Variants in SASH1 observed in about 807,000 individuals in gnomAD.
The protein encoded by SASH1 is SAM and SH3 domain-containing protein 1.
A neutral mutation model predicts 125.2 loss-of-function variants in SASH1; 44 were observed. That is an observed-to-expected ratio of 0.35 (90% CI 0.28 to 0.45). The LOEUF (loss-of-function observed/expected upper bound fraction) is 0.45. SASH1 is among the 20% of genes least tolerant of loss of function. The pLI, the probability that SASH1 is intolerant of heterozygous loss-of-function variation, is 1.00. For synonymous variants in SASH1, 639 were observed against 649.1 expected (o/e 0.98, Z 0.24); for missense variants, 1,426 against 1,614.5 (o/e 0.88, Z 2.00).
intron 1 of SASH1, among the ~76,000 whole-genome samples, chr6:148,351,773 C>G (rs1781739145): frequency 6.7e-6 from 1 of 149,830 alleles, no homozygotes; most frequent in South Asian, 2.1e-4. Flanking sequence ...TTGCTGTCAG[C>G]CAACAATTGT....
chr6:148,260,795 G>GGTTTTTT, the SASH1 span, among the ~76,000 whole-genome samples: 1 of 111,258 alleles, frequency 9.0e-6, no homozygotes, highest in Non-Finnish European at 1.9e-5. Context: ...TCCTATAAGG[G>GGTTTTTT]CTTTTTTTTT....
rs1452245077 is a variant in SASH1, at chr6:148,322,917, T to TCTTTCTTTCTTTCTTTCTTTCTTTCTTC, written n.74+50540_74+50541insCTTTCTTTCTTTCTTTCTTTCTTTCTTC. Among the ~76,000 whole-genome samples the TCTTTCTTTCTTTCTTTCTTTCTTTCTTC allele has an allele frequency of 9.7e-4, 122 of 126,068 alleles. 5 individuals are homozygous for TCTTTCTTTCTTTCTTTCTTTCTTTCTTC. Among genetic ancestry groups the TCTTTCTTTCTTTCTTTCTTTCTTTCTTC allele is most frequent in the Non-Finnish European group, 1.5e-3 (83 of 56,994 alleles). The allele number at this position is 126,068 out of a possible 152,430, so 82.7% of individuals were successfully genotyped here. On this transcript the variant is annotated intron_variant and non_coding_transcript_variant, in intron 1 of 3. Coordinates refer to the SASH1 transcript ENST00000367469. ...CTTTCTTTCTCTCTCTTTCTTTCTT[T>TCTTTCTTTCTTTCTTTCTTTCTTTCTTC]TTTCTTTCTCTCTTTCTTTTCCTTC...
chr6:148,330,976 T>C (rs374569812), intron 1 of SASH1, among the ~76,000 whole-genome samples: 3 of 152,202 alleles, frequency 2.0e-5, no homozygotes, highest in East Asian at 3.8e-4. Context: ...TTCCTTTTTT[T>C]CTTCTCCTAA....
At chr6:148,208,154 G>T in the SASH1 span, among the ~76,000 whole-genome samples, 305 of 152,234 alleles carry the variant, frequency 2.0e-3, 4 homozygotes, top group African/African-American at 7.1e-3. Context: ...ACGGCAACAT[G>T]ATATGGAGCT....
At chr6:148,214,556 T>A in the SASH1 span, among the ~76,000 whole-genome samples, 1 of 152,192 alleles carries the variant, frequency 6.6e-6, no homozygotes. Flanking sequence ...CAGTGTCTAG[T>A]TCAATATGTG....
chr6:148,428,968 C>T (rs1266216346), intron 2 of SASH1, among the ~76,000 whole-genome samples: 3 of 152,010 alleles, frequency 2.0e-5, no homozygotes, highest in African/African-American at 7.2e-5. Context: ...TGCTATACCT[C>T]GAGCAATACG....
At chr6:148,502,668 G>C (rs1235936969) in intron 8 of SASH1, among the ~76,000 whole-genome samples, 1 of 151,978 alleles carries the variant, frequency 6.6e-6, no homozygotes, top group Non-Finnish European at 1.5e-5. Flanking sequence ...CCTGTTGACT[G>C]GTGTCACATG....
At chr6:148,325,430 C>A (rs897434372) in intron 1 of SASH1, among the ~76,000 whole-genome samples, 2 of 152,038 alleles carry the variant, frequency 1.3e-5, no homozygotes, top group East Asian at 3.9e-4. Flanking sequence ...GTGCATGCCA[C>A]CACGCCCAGC....
chr6:148,282,018 G>C (rs1294024421), intron 1 of SASH1, among the ~76,000 whole-genome samples: 1 of 152,200 alleles, frequency 6.6e-6, no homozygotes, highest in African/African-American at 2.4e-5. Flanking sequence ...TGTCAGCACT[G>C]GTATAAATGA....
the SASH1 span, among the ~76,000 whole-genome samples, chr6:148,244,848 T>A: frequency 6.6e-6 from 1 of 151,984 alleles, no homozygotes; most frequent in Admixed American, 6.6e-5. Flanking sequence ...AAGAAAGAAC[T>A]TCATTTGCCC....
Position 148,551,393 on chromosome 6 carries a change from A to G in SASH1, c.*2835A>G, listed in dbSNP as rs933633847. On this transcript the variant is annotated 3_prime_UTR_variant, in exon 20 of 20. Coordinates refer to ENST00000367467, the MANE Select transcript of SASH1 (RefSeq NM_015278.5). ...TTCGGCTCAGGTAGCTACACATAACATTGTGTATGATTTTCACTTCAAAGC... is the reference window on the plus strand; with the variant it reads ...TTCGGCTCAGGTAGCTACACATAACGTTGTGTATGATTTTCACTTCAAAGC... The G allele has an allele frequency of 2.6e-5, 4 of 152,620 alleles. No individual in the cohort carries two copies. The highest frequency in any genetic ancestry group is 9.6e-5 in the African/African-American group (4 of 41,458). The allele number at this position is 152,620 out of a possible 1,614,324, so 9.5% of individuals were successfully genotyped here.
chr6:148,219,202 C>T, the SASH1 span, among the ~76,000 whole-genome samples: 1 of 152,168 alleles, frequency 6.6e-6, no homozygotes, highest in Non-Finnish European at 1.5e-5. Flanking sequence ...TCTCCATCTC[C>T]CTCACCTCCT....
At chr6:148,400,182 T>A (rs1784117022) in intron 2 of SASH1, among the ~76,000 whole-genome samples, 1 of 152,188 alleles carries the variant, frequency 6.6e-6, no homozygotes, top group Non-Finnish European at 1.5e-5. Context: ...ACAGTCTACA[T>A]TTGAGACTGT....
At chr6:148,511,898 A>C (rs551729831) in intron 8 of SASH1, among the ~76,000 whole-genome samples, 67 of 152,256 alleles carry the variant, frequency 4.4e-4, no homozygotes, top group African/African-American at 1.6e-3. Context: ...ACCAACCAGC[A>C]AACTAGGTAT....
intron 1 of SASH1, among the ~76,000 whole-genome samples, chr6:148,281,408 C>T (rs1046481457): frequency 1.3e-5 from 2 of 152,112 alleles, no homozygotes; most frequent in African/African-American, 4.8e-5. Context: ...ACCTACACCC[C>T]TTATCTGCAA....
intron 4 of SASH1, among the ~76,000 whole-genome samples, chr6:148,453,820 T>C (rs920576710): frequency 6.6e-6 from 1 of 152,180 alleles, no homozygotes; most frequent in Non-Finnish European, 1.5e-5. Context: ...TGAACCCCGC[T>C]TGGGGGATAG....
intron 2 of SASH1, among the ~76,000 whole-genome samples, chr6:148,430,409 G>T (rs1231081425): frequency 6.6e-6 from 1 of 152,250 alleles, no homozygotes; most frequent in Non-Finnish European, 1.5e-5. Flanking sequence ...TCAGCTTGCT[G>T]CAGCCTTCGC....
At chr6:148,513,712 G>C in intron 8 of SASH1, 1 of 985,964 alleles carries the variant, frequency 1.0e-6, no homozygotes, top group Non-Finnish European at 1.2e-6. Context: ...GGAATGCAGG[G>C]TCTGTCCTCA....
At chr6:148,412,639 C>T (rs562554566) in intron 2 of SASH1, among the ~76,000 whole-genome samples, 1 of 152,296 alleles carries the variant, frequency 6.6e-6, no homozygotes, top group East Asian at 1.9e-4. Context: ...ACACCAGAAT[C>T]TGCTTGGCTT....
Sources: gnomAD v4.1 joint callset for allele counts (sites outside exome capture counted in the v4.1 genomes callset) on GRCh38, gnomAD v4.1.1 for gene constraint, MANE v1.5 for transcripts, NCBI Gene and HGNC (gene_info 2026-07-23, HGNC 2026-07-21) for gene names.